TFEC: variants seen among roughly 807,000 people sequenced by gnomAD.
TFEC encodes class E basic helix-loop-helix protein 34.
A neutral mutation model predicts 41.6 loss-of-function variants in TFEC; 31 were observed. The observed-to-expected ratio is 0.74, with a 90% CI of 0.56 to 1.01. TFEC has a LOEUF of 1.01. Ranked by LOEUF, TFEC falls within the 50% of genes least tolerant of loss-of-function variation. The pLI is 0.00. For missense variants in TFEC, 402 were observed against 404.1 expected (o/e 0.99, Z 0.04); for synonymous variants, 143 against 140.6 (o/e 1.02, Z -0.12).
chr7:116,102,365 G>A (rs1449189570), intron 3 of TFEC, among the ~76,000 whole-genome samples: 1 of 152,090 alleles, frequency 6.6e-6, no homozygotes, highest in Non-Finnish European at 1.5e-5. Context: ...TTGGAAAAAG[G>A]GTATCAATCA....
intron 3 of TFEC, among the ~76,000 whole-genome samples, chr7:116,084,339 A>C (rs1289716746): frequency 6.6e-6 from 1 of 151,914 alleles, no homozygotes; most frequent in East Asian, 1.9e-4. Context: ...CTAATAGTAC[A>C]ACTAACTTTA....
chr7:116,095,759 C>A (rs1052936557), intron 3 of TFEC, among the ~76,000 whole-genome samples: 1 of 151,484 alleles, frequency 6.6e-6, no homozygotes, highest in African/African-American at 2.4e-5. Flanking sequence ...ATTTTTTTTT[C>A]TACTGCATCT....
chr7:115,972,016 T>C (rs988007094), intron 3 of TFEC, among the ~76,000 whole-genome samples: 1 of 152,074 alleles, frequency 6.6e-6, no homozygotes, highest in African/African-American at 2.4e-5. Context: ...ATCTAACAAG[T>C]CTTTGCTTTT....
At chr7:116,111,539 C>T (rs1026446027) in intron 2 of TFEC, among the ~76,000 whole-genome samples, 1 of 152,112 alleles carries the variant, frequency 6.6e-6, no homozygotes, top group African/African-American at 2.4e-5. Context: ...AAACAGACCA[C>T]AATGGATACT....
chr7:116,003,514 G>A (rs1279770559), intron 1 of TFEC, among the ~76,000 whole-genome samples: 2 of 152,118 alleles, frequency 1.3e-5, no homozygotes, highest in Non-Finnish European at 2.9e-5. Context: ...ACGGCAAGGA[G>A]ATAGAAATGA....
chr7:116,056,574 T>C (rs1796436066), intron 3 of TFEC, among the ~76,000 whole-genome samples: 3 of 152,094 alleles, frequency 2.0e-5, no homozygotes, highest in African/African-American at 4.8e-5. Context: ...TTCATGGCAT[T>C]GGATAGAAAG....
chr7:116,138,497 T>C (rs968876259), intron 1 of TFEC, among the ~76,000 whole-genome samples: 34 of 152,216 alleles, frequency 2.2e-4, no homozygotes, highest in African/African-American at 4.8e-5. Context: ...ATGATTTTTA[T>C]TCCTGAGTTC....
intron 1 of TFEC, among the ~76,000 whole-genome samples, chr7:116,138,870 G>A (rs552554448): frequency 8.5e-5 from 13 of 152,248 alleles, no homozygotes; most frequent in African/African-American, 2.6e-4. Context: ...GTCACCCAAC[G>A]TGTCCCCTCC....
chr7:116,047,214 C>T (rs576238674), intron 3 of TFEC, among the ~76,000 whole-genome samples: 5 of 152,186 alleles, frequency 3.3e-5, no homozygotes, highest in East Asian at 3.9e-4. Context: ...TCACCTCACC[C>T]GGGAAGTGCA....
intron 2 of TFEC, among the ~76,000 whole-genome samples, chr7:115,976,381 C>A (rs1169285635): frequency 6.6e-6 from 1 of 152,108 alleles, no homozygotes; most frequent in African/African-American, 2.4e-5. Flanking sequence ...GCAGAGATTG[C>A]ACCACTGCAC....
chr7:115,976,339 C>T (rs1028944080), intron 2 of TFEC, among the ~76,000 whole-genome samples: 1 of 152,090 alleles, frequency 6.6e-6, no homozygotes, highest in African/African-American at 2.4e-5. Flanking sequence ...GTGGGAGAAT[C>T]ATGTGAACCC....
At chr7:116,050,346 T>C (rs1796277685) in intron 3 of TFEC, among the ~76,000 whole-genome samples, 1 of 152,194 alleles carries the variant, frequency 6.6e-6, no homozygotes, top group Non-Finnish European at 1.5e-5. Flanking sequence ...CAGAGAATAC[T>C]ATAAACACCT....
chr7:115,960,767 C>T (rs1323130172), intron 3 of TFEC, among the ~76,000 whole-genome samples: 3 of 151,488 alleles, frequency 2.0e-5, no homozygotes, highest in Admixed American at 6.6e-5. Flanking sequence ...ATAAAAGTAT[C>T]TTACAAGAGA....
At chr7:116,071,440 A>G (rs930160154) in intron 3 of TFEC, among the ~76,000 whole-genome samples, 2 of 151,332 alleles carry the variant, frequency 1.3e-5, no homozygotes, top group African/African-American at 4.8e-5. Flanking sequence ...ATATTGACTG[A>G]GATTTTAATA....
At chr7:115,943,502 T>C (rs548709721) in intron 6 of TFEC, among the ~76,000 whole-genome samples, 1 of 152,024 alleles carries the variant, frequency 6.6e-6, no homozygotes, top group Non-Finnish European at 1.5e-5. Flanking sequence ...AAAATGGTAG[T>C]AGAGAACACA....
intron 3 of TFEC, among the ~76,000 whole-genome samples, chr7:116,051,596 T>C (rs1270189899): frequency 6.6e-6 from 1 of 152,218 alleles, no homozygotes; most frequent in East Asian, 1.9e-4. Flanking sequence ...ATATATCTGA[T>C]GGGATTTAAA....
chr7:116,084,181 T>C (rs1451574438), intron 3 of TFEC, among the ~76,000 whole-genome samples: 2 of 151,940 alleles, frequency 1.3e-5, no homozygotes, highest in Non-Finnish European at 2.9e-5. Context: ...TTATGCCAAT[T>C]AACCCAATTC....
chr7:116,149,137 T>C (rs536937853), intron 1 of TFEC, among the ~76,000 whole-genome samples: 3 of 152,250 alleles, frequency 2.0e-5, no homozygotes, highest in South Asian at 4.1e-4. Context: ...AAAATAATTA[T>C]TAGAGCTGAA....
At chr7:116,147,552 C>A in intron 1 of TFEC, among the ~76,000 whole-genome samples, 1 of 128,200 alleles carries the variant, frequency 7.8e-6, no homozygotes. Context: ...TATCCCTTCC[C>A]CCTCCCCCCA....
Sources: allele counts gnomAD v4.1 joint callset (sites outside exome capture counted in the v4.1 genomes callset), GRCh38; gene constraint gnomAD v4.1.1; transcripts MANE v1.5; gene names NCBI Gene and HGNC (gene_info 2026-07-23, HGNC 2026-07-21).